NDUFAF6: variants seen among roughly 807,000 people sequenced by gnomAD.
NDUFAF6 encodes the protein NADH:ubiquinone oxidoreductase complex assembly factor 6.
A neutral mutation model predicts 40.8 loss-of-function variants in NDUFAF6; 45 were observed. The observed-to-expected ratio is 1.10, with a 90% CI of 0.87 to 1.42. NDUFAF6 has a LOEUF of 1.42. NDUFAF6 is among the 40% of genes most tolerant of loss of function. NDUFAF6 has a pLI of 0.00. For synonymous variants in NDUFAF6, 185 were observed against 155.9 expected (o/e 1.19, Z -1.39); for missense variants, 435 against 418.5 (o/e 1.04, Z -0.34).
intron 1 of NDUFAF6, among the ~76,000 whole-genome samples, chr8:94,937,270 C>G (rs1054584234): frequency 2.6e-5 from 4 of 152,056 alleles, no homozygotes; most frequent in Admixed American, 2.6e-4. Flanking sequence ...GTGAAACCCC[C>G]TTTCTACTAA....
intron 1 of NDUFAF6, among the ~76,000 whole-genome samples, chr8:94,909,454 G>A (rs1249541634): frequency 1.4e-5 from 2 of 146,864 alleles, no homozygotes; most frequent in African/African-American, 2.6e-5. Context: ...GTGAAACCCC[G>A]TCTGTACTAA....
chr8:94,923,014 C>A (rs1394457153), intron 1 of NDUFAF6, among the ~76,000 whole-genome samples: 2 of 152,076 alleles, frequency 1.3e-5, no homozygotes, highest in African/African-American at 2.4e-5. Context: ...AATGTAGAAG[C>A]AAGCCTTGCA....
At chr8:95,015,141 T>C (rs1827388149) in intron 2 of NDUFAF6, among the ~76,000 whole-genome samples, 1 of 152,044 alleles carries the variant, frequency 6.6e-6, no homozygotes, top group South Asian at 2.1e-4. Flanking sequence ...TCTGTCAGGG[T>C]GGTGTTGCAC....
At chr8:95,011,154 G>A (rs772306664) in intron 2 of NDUFAF6, among the ~76,000 whole-genome samples, 3 of 152,218 alleles carry the variant, frequency 2.0e-5, no homozygotes, top group African/African-American at 4.8e-5. Flanking sequence ...TCCATGTGTC[G>A]TGGGAGCATC....
At chr8:94,929,932 A>C (rs577034815) in intron 1 of NDUFAF6, 1 of 153,898 alleles carries the variant, frequency 6.5e-6, no homozygotes, top group African/African-American at 2.4e-5. Context: ...CACAGAATAC[A>C]TCAAGTTTTC....
intron 2 of NDUFAF6, among the ~76,000 whole-genome samples, chr8:94,997,050 G>T (rs1826462855): frequency 6.7e-6 from 1 of 149,766 alleles, no homozygotes; most frequent in African/African-American, 2.5e-5. Context: ...ATAAGTCAAG[G>T]AAAGAGCTGA....
At chr8:95,114,835 A>G (rs1289877005) in intron 4 of NDUFAF6, among the ~76,000 whole-genome samples, 1 of 152,236 alleles carries the variant, frequency 6.6e-6, no homozygotes, top group East Asian at 1.9e-4. Context: ...GCTTCAAATT[A>G]GATCTGAAAT....
At chr8:94,991,455 G>A (rs939052564) in intron 2 of NDUFAF6, among the ~76,000 whole-genome samples, 1 of 152,136 alleles carries the variant, frequency 6.6e-6, no homozygotes, top group Admixed American at 6.6e-5. Context: ...TTGGTAAACT[G>A]GGGAAGTGAC....
intron 7 of NDUFAF6, among the ~76,000 whole-genome samples, chr8:95,050,849 C>T (rs1002158699): frequency 2.0e-5 from 3 of 152,072 alleles, no homozygotes; most frequent in Non-Finnish European, 4.4e-5. Context: ...GAATCCCACA[C>T]GTAACAAGGC....
At chr8:95,026,205 C>A (rs528734625) in intron 1 of NDUFAF6, among the ~76,000 whole-genome samples, 2 of 152,096 alleles carry the variant, frequency 1.3e-5, no homozygotes, top group South Asian at 2.1e-4. Flanking sequence ...GGTGGCTACA[C>A]GCCTGTAATC....
At chr8:94,970,392 C>CA (rs1824370800) in intron 1 of NDUFAF6, among the ~76,000 whole-genome samples, 1 of 151,556 alleles carries the variant, frequency 6.6e-6, no homozygotes, top group Non-Finnish European at 1.5e-5. Flanking sequence ...AGCCAAAATG[C>CA]AAATGAAAAA....
intron 2 of NDUFAF6, among the ~76,000 whole-genome samples, chr8:95,091,260 C>T (rs1029325023): frequency 2.0e-5 from 3 of 151,966 alleles, no homozygotes; most frequent in Non-Finnish European, 4.4e-5. Context: ...AGGAAACTTA[C>T]AATCATGGTG....
At chr8:95,107,238 G>A (rs927055670), downstream of NDUFAF6, among the ~76,000 whole-genome samples, 4 of 152,168 alleles carry the variant, frequency 2.6e-5, no homozygotes, top group Non-Finnish European at 4.4e-5. Context: ...CAACCCAAAT[G>A]CCCAGCAATG....
At chr8:95,115,862 G>C (rs1047580942) in intron 5 of NDUFAF6, 1 of 152,294 alleles carries the variant, frequency 6.6e-6, no homozygotes, top group African/African-American at 2.4e-5. Flanking sequence ...TGTCCGCCGG[G>C]CGCGGTGGCT....
intron 1 of NDUFAF6, among the ~76,000 whole-genome samples, chr8:94,905,464 A>G (rs755824640): frequency 3.0e-4 from 45 of 151,964 alleles, no homozygotes; most frequent in Non-Finnish European, 4.9e-4. Flanking sequence ...TGAGAGGCCT[A>G]CTGTTTACTG....
chr8:95,058,151 A>C lies in NDUFAF6; in HGVS notation c.*214A>C. On this transcript the variant is annotated 3_prime_UTR_variant, in exon 9 of 9. Transcript: ENST00000396124. ...GCACTGCCATTGGCACCCCTGGCCC[A>C]GACAGTGTCTGCTGTGCTGTCCCTG... 6.9e-7 allele frequency: 1 copy of C among 1,442,680 alleles called. No homozygotes were observed. Among genetic ancestry groups the C allele is most frequent in the Non-Finnish European group, 9.0e-7 (1 of 1,108,852 alleles). 89.4% of individuals were successfully genotyped at this position (1,442,680 alleles called of 1,614,324 possible).
At chr8:94,905,909 G>A (rs1273026055) in intron 1 of NDUFAF6, among the ~76,000 whole-genome samples, 2 of 152,196 alleles carry the variant, frequency 1.3e-5, no homozygotes, top group Admixed American at 6.5e-5. Flanking sequence ...TGTGAAATTT[G>A]TAAACTTTGT....
chr8:95,095,572 C>T (rs1809432201), upstream of NDUFAF6, among the ~76,000 whole-genome samples: 1 of 152,036 alleles, frequency 6.6e-6, no homozygotes. Context: ...GCTGATTGCT[C>T]CTCAGTCTCT....
intron 9 of NDUFAF6, among the ~76,000 whole-genome samples, chr8:95,075,181 TGA>T (rs1317007735): frequency 6.6e-6 from 1 of 152,222 alleles, no homozygotes; most frequent in Non-Finnish European, 1.5e-5. Context: ...AGATTCCTGC[TGA>T]TTTTTCTAGC....
Sources: gnomAD v4.1 joint callset for allele counts (sites outside exome capture counted in the v4.1 genomes callset) on GRCh38, gnomAD v4.1.1 for gene constraint, MANE v1.5 for transcripts, NCBI Gene and HGNC (gene_info 2026-07-23, HGNC 2026-07-21) for gene names.